Variants in OPCML observed in about 807,000 individuals in gnomAD.
OPCML encodes opioid binding protein/cell adhesion molecule like, also known as opioid-binding protein/cell adhesion molecule.
In OPCML, 13 loss-of-function variants were observed where a neutral mutation model predicts 37.8. That is an observed-to-expected ratio of 0.34 (90% CI 0.22 to 0.55). The LOEUF is 0.55. OPCML is among the 20% of genes least tolerant of loss of function. The probability of loss-of-function intolerance (pLI) is 0.91; values close to 1 mark genes in which losing one functional copy is unlikely to be tolerated. For missense variants in OPCML, 341 were observed against 435.6 expected (o/e 0.78, Z 1.93); for synonymous variants, 176 against 168.8 (o/e 1.04, Z -0.33).
chr11:133,179,509 G>A (rs568700585), intron 1 of OPCML, among the ~76,000 whole-genome samples: 2 of 152,262 alleles, frequency 1.3e-5, no homozygotes, highest in African/African-American at 4.8e-5. Flanking sequence ...GGCCCCCTGA[G>A]GCCAGGGAGA....
At chr11:132,633,042 A>G (rs2135699389) in intron 3 of OPCML, among the ~76,000 whole-genome samples, 1 of 151,796 alleles carries the variant, frequency 6.6e-6, no homozygotes, top group East Asian at 1.9e-4. Context: ...TTACAAGTGG[A>G]CTGAGCTGGG....
chr11:133,497,060 A>T (rs554866925), intron 1 of OPCML, among the ~76,000 whole-genome samples: 1 of 152,154 alleles, frequency 6.6e-6, no homozygotes, highest in Non-Finnish European at 1.5e-5. Context: ...CTTTTATTAC[A>T]TTAAAGTGTG....
intron 1 of OPCML, among the ~76,000 whole-genome samples, chr11:133,362,454 G>A (rs1244722128): frequency 6.6e-6 from 1 of 152,184 alleles, no homozygotes; most frequent in Non-Finnish European, 1.5e-5. Flanking sequence ...CCAGGGAGCA[G>A]TGCGGCTTTG....
intron 3 of OPCML, among the ~76,000 whole-genome samples, chr11:132,530,990 A>G (rs1476938783): frequency 6.6e-6 from 1 of 152,138 alleles, no homozygotes; most frequent in Non-Finnish European, 1.5e-5. Flanking sequence ...AGAAGCAGCC[A>G]TCTCTTCTGC....
At chr11:133,412,415 T>C (rs936638743) in intron 1 of OPCML, among the ~76,000 whole-genome samples, 5 of 152,284 alleles carry the variant, frequency 3.3e-5, no homozygotes, top group Admixed American at 2.6e-4. Flanking sequence ...GCATGTGGCA[T>C]GGGCACGGTT....
In OPCML at chr11:132,867,397, A is replaced by G. The variant is rs76481277; in HGVS notation, c.146+75529T>C. 7.8e-3 allele frequency among the ~76,000 whole-genome samples: 1,187 copies of G among 152,344 alleles called. 23 individuals carry two copies. Among genetic ancestry groups the G allele is most frequent in the African/African-American group, 0.026 (1,082 of 41,572 alleles). ...TCCGACTGGTGACTGCAGATTACCT[A>G]GCATGGGAATCTCACCAAGATAAAT... On this transcript the variant is annotated intron_variant, in intron 2 of 7. Transcript: ENST00000524381.
intron 1 of OPCML, among the ~76,000 whole-genome samples, chr11:133,473,972 G>T (rs762902005): frequency 1.3e-5 from 2 of 152,188 alleles, no homozygotes; most frequent in Non-Finnish European, 2.9e-5. Context: ...TTGAGAATGG[G>T]CTGAGCTAAA....
intron 1 of OPCML, among the ~76,000 whole-genome samples, chr11:133,099,509 G>A (rs1008622642): frequency 2.1e-5 from 3 of 145,730 alleles, no homozygotes; most frequent in Non-Finnish European, 4.5e-5. Flanking sequence ...GGATGGTCTC[G>A]ATCTCCTGGC....
intron 2 of OPCML, among the ~76,000 whole-genome samples, chr11:132,911,992 C>T (rs1048113866): frequency 2.6e-5 from 4 of 152,022 alleles, no homozygotes; most frequent in African/African-American, 4.8e-5. Context: ...AGAGGTTAAT[C>T]ATCTTGAAAA....
At chr11:132,590,481 G>A (rs2137700663) in intron 3 of OPCML, among the ~76,000 whole-genome samples, 1 of 152,166 alleles carries the variant, frequency 6.6e-6, no homozygotes, top group East Asian at 1.9e-4. Flanking sequence ...AATAACCAGA[G>A]GAATCATGAT....
In OPCML at chr11:132,663,893, C is replaced by T. The variant is rs967800395; in HGVS notation, c.147-6574G>A. Reference sequence around the variant, plus strand: ...TGTCGCCCAGGCTTGAGTGCAGTGACGCGATCTCGGCTCACTGCAAGCTCC... The same window carrying T: ...TGTCGCCCAGGCTTGAGTGCAGTGATGCGATCTCGGCTCACTGCAAGCTCC... On this transcript the variant is annotated intron_variant, in intron 2 of 7. Coordinates refer to ENST00000524381, the MANE Select transcript of OPCML (RefSeq NM_001012393.5). Among the ~76,000 whole-genome samples the T allele has an allele frequency of 7.9e-5, 12 of 152,218 alleles. No homozygotes were observed. In the South Asian group the frequency reaches 1.5e-3, roughly 18 times the overall value.
chr11:133,005,339 A>G (rs1947088634), intron 1 of OPCML: 1 of 985,430 alleles, frequency 1.0e-6, no homozygotes. Context: ...GTAACATGAC[A>G]GTAAATGTGA....
At chr11:132,777,805 C>T (rs1727675934) in intron 2 of OPCML, among the ~76,000 whole-genome samples, 1 of 152,210 alleles carries the variant, frequency 6.6e-6, no homozygotes, top group Non-Finnish European at 1.5e-5. Context: ...TCTGGTCTCA[C>T]ACCTGTACCT....
At chr11:132,991,272 G>A (rs915473865) in intron 1 of OPCML, among the ~76,000 whole-genome samples, 1 of 152,146 alleles carries the variant, frequency 6.6e-6, no homozygotes, top group African/African-American at 2.4e-5. Flanking sequence ...GAGTAGGAGT[G>A]AAGTTAGATT....
At chr11:132,602,398 C>A (rs1459892804) in intron 3 of OPCML, among the ~76,000 whole-genome samples, 1 of 152,146 alleles carries the variant, frequency 6.6e-6, no homozygotes, top group East Asian at 1.9e-4. Context: ...TTTAATTTTT[C>A]TCTTTTAAAA....
intron 2 of OPCML, among the ~76,000 whole-genome samples, chr11:132,876,739 G>A (rs1943034550): frequency 6.6e-6 from 1 of 152,176 alleles, no homozygotes; most frequent in Non-Finnish European, 1.5e-5. Flanking sequence ...ACGATGTGCG[G>A]AGATTGAAGA....
At chr11:132,610,101 T>G (rs1447675018) in intron 3 of OPCML, among the ~76,000 whole-genome samples, 1 of 152,222 alleles carries the variant, frequency 6.6e-6, no homozygotes, top group Non-Finnish European at 1.5e-5. Context: ...CAACCATGCT[T>G]GTGCATGAGA....
intron 1 of OPCML, among the ~76,000 whole-genome samples, chr11:133,072,688 C>A (rs540843380): frequency 6.6e-6 from 1 of 152,288 alleles, no homozygotes; most frequent in East Asian, 1.9e-4. Flanking sequence ...ACTATGAGTG[C>A]AGTGCTGGTC....
At chr11:133,413,996 C>G (rs1945706763) in intron 1 of OPCML, among the ~76,000 whole-genome samples, 1 of 152,274 alleles carries the variant, frequency 6.6e-6, no homozygotes, top group African/African-American at 2.4e-5. Flanking sequence ...TCCTCTTACT[C>G]CCTGAGGCTA....
Sources: gnomAD v4.1 joint callset for allele counts (sites outside exome capture counted in the v4.1 genomes callset) on GRCh38, gnomAD v4.1.1 for gene constraint, MANE v1.5 for transcripts, NCBI Gene and HGNC (gene_info 2026-07-23, HGNC 2026-07-21) for gene names.